The following MICAL2 variants were observed in gnomAD, a reference collection of about 807,000 sequenced individuals.
The protein encoded by MICAL2 is microtubule associated monooxygenase, calponin and LIM domain containing 2, also known as [F-actin]-monooxygenase MICAL2.
A neutral mutation model predicts 127.3 loss-of-function variants in MICAL2; 77 were observed. The observed-to-expected ratio is 0.60, with a 90% CI of 0.50 to 0.73. MICAL2 has a LOEUF of 0.73. Among genes scored for constraint, MICAL2 ranks in the 30% least tolerant of loss-of-function variants. MICAL2 has a pLI of 0.00. For synonymous variants in MICAL2, 570 were observed against 551.1 expected, an observed-to-expected ratio of 1.03 and a Z score of -0.48; for missense variants, 1,351 against 1,434.4, an observed-to-expected ratio of 0.94 and a Z score of 0.94.
chr11:12,339,621 T>A (rs1395454773), intron 32 of MICAL2, among the ~76,000 whole-genome samples: 1 of 152,172 alleles, frequency 6.6e-6, no homozygotes, highest in East Asian at 1.9e-4. Flanking sequence ...ACAGATGGGT[T>A]TTTGGTGTGG....
intron 26 of MICAL2, 123 bp from the exon 27 acceptor site, chr11:12,262,357 C>G (rs188549881): frequency 4.6e-5 from 71 of 1,548,338 alleles, no homozygotes; most frequent in Non-Finnish European, 5.6e-5. Context: ...TTCCCTCTTT[C>G]AATCGTGGCC....
chr11:12,157,130 C>T (rs1854275171), intron 2 of MICAL2, among the ~76,000 whole-genome samples: 3 of 152,304 alleles, frequency 2.0e-5, no homozygotes, highest in South Asian at 4.1e-4. Flanking sequence ...GTGTCCACCC[C>T]CATATCTCCT....
At chr11:12,211,771 A>G (rs1855502556) in intron 6 of MICAL2, among the ~76,000 whole-genome samples, 1 of 152,196 alleles carries the variant, frequency 6.6e-6, no homozygotes, top group South Asian at 2.1e-4. Flanking sequence ...TTTATTAGGG[A>G]TTCACAGGGG....
chr11:12,151,192 T>G (rs1300952993), intron 2 of MICAL2, among the ~76,000 whole-genome samples: 1 of 152,026 alleles, frequency 6.6e-6, no homozygotes, highest in East Asian at 1.9e-4. Flanking sequence ...TATTTGCAAA[T>G]AGGGAAAGGA....
In MICAL2 at chr11:12,182,111, G is replaced by C. The variant is rs142397974; in HGVS notation, c.264+19692G>C. Among the ~76,000 whole-genome samples, 675 of 152,308 alleles carry C rather than the reference G, an allele frequency of 4.4e-3. 11 individuals are homozygous for C. The highest frequency in any genetic ancestry group is 0.015 in the African/African-American group (628 of 41,560). Reference sequence around the variant, plus strand: ...TTATTGAAATTATTGTAAGGTGTTAGACCTACAACTAGATCTTGTTACTTA... The same window carrying C: ...TTATTGAAATTATTGTAAGGTGTTACACCTACAACTAGATCTTGTTACTTA... On this transcript the variant is annotated intron_variant, in intron 3 of 27. Transcript: ENST00000683283.
chr11:12,289,451 T>G (rs1200214394), downstream of MICAL2, among the ~76,000 whole-genome samples: 1 of 152,186 alleles, frequency 6.6e-6, no homozygotes, highest in Non-Finnish European at 1.5e-5. Context: ...AGCAATGTCT[T>G]TACTGGACGC....
intron 1 of MICAL2, chr11:12,116,841 C>T (rs1379486781): frequency 6.6e-6 from 1 of 152,214 alleles, no homozygotes; most frequent in Non-Finnish European, 1.5e-5. Flanking sequence ...CTGCACTGTA[C>T]CTGTCTTTGC....
chr11:12,122,857 A>G (rs1032279442), intron 1 of MICAL2, among the ~76,000 whole-genome samples: 7 of 151,996 alleles, frequency 4.6e-5, no homozygotes, highest in Non-Finnish European at 8.8e-5. Context: ...CATCAATCCC[A>G]CTGGATGCTT....
At chr11:12,318,745 G>A (rs936966462) in intron 29 of MICAL2, among the ~76,000 whole-genome samples, 4 of 152,210 alleles carry the variant, frequency 2.6e-5, no homozygotes, top group Admixed American at 1.3e-4. Context: ...CATTAACTCT[G>A]CATCATGTTG....
chr11:12,121,648 AG>A (rs1263937238), intron 1 of MICAL2: 1 of 152,268 alleles, frequency 6.6e-6, no homozygotes, highest in Admixed American at 6.5e-5. Flanking sequence ...CAGGTGGAGC[AG>A]GTAGGGGGTT....
chr11:12,281,060 G>T (rs1185634293), exon 2 of MICAL2: 10 of 398,852 alleles, frequency 2.5e-5, no homozygotes, highest in Non-Finnish European at 4.4e-5. Flanking sequence ...GAGCAGGGCA[G>T]TCTCTCCACA....
chr11:12,224,525 C>T (rs951402218), intron 12 of MICAL2, 148 bp from the exon 13 acceptor site: 2 of 973,626 alleles, frequency 2.1e-6, no homozygotes, highest in Admixed American at 5.1e-5. Flanking sequence ...CAGGGAGCTG[C>T]ACCCGTGCCA....
chr11:12,217,803 CT>C (rs1227875486), intron 8 of MICAL2, among the ~76,000 whole-genome samples: 1 of 152,118 alleles, frequency 6.6e-6, no homozygotes, highest in African/African-American at 2.4e-5. Flanking sequence ...TCAGAGGCCC[CT>C]GGGAGCAGCT....
At chr11:12,236,283 T>C in intron 16 of MICAL2, 38 bp downstream of exon 16, 1 of 1,598,370 alleles carries the variant, frequency 6.3e-7, no homozygotes, top group Admixed American at 1.7e-5. Flanking sequence ...AGAGGCTCGT[T>C]TCCTGACAAC....
chr11:12,360,770 G>C (rs1939194461), downstream of MICAL2, among the ~76,000 whole-genome samples: 1 of 152,192 alleles, frequency 6.6e-6, no homozygotes, highest in Admixed American at 6.5e-5. Flanking sequence ...GCTTTCACAG[G>C]CTGTGCTCTG....
intron 29 of MICAL2, among the ~76,000 whole-genome samples, chr11:12,299,703 C>A (rs145628691): frequency 6.6e-6 from 1 of 152,080 alleles, no homozygotes; most frequent in Non-Finnish European, 1.5e-5. Context: ...CAGTAACATC[C>A]GCAAATGTTA....
chr11:12,134,265 T>G (rs9299920), intron 1 of MICAL2, among the ~76,000 whole-genome samples: 48,485 of 152,092 alleles, frequency 0.32, 7,815 homozygotes, highest in Middle Eastern at 0.36. Context: ...CTCCCTTACT[T>G]CCTCCTTTAA....
chr11:12,204,110 G>A (rs963603799), intron 3 of MICAL2, 140 bp from the exon 4 acceptor site: 2 of 742,586 alleles, frequency 2.7e-6, no homozygotes, highest in South Asian at 1.7e-5. Flanking sequence ...TGAATGACAG[G>A]CCCTAACAGG....
intron 8 of MICAL2, 148 bp from the exon 9 acceptor site, chr11:12,220,053 T>C: frequency 3.2e-6 from 3 of 930,524 alleles, no homozygotes; most frequent in Non-Finnish European, 1.6e-6. Context: ...ATTTATTTCC[T>C]CTTTATTCCC....
Sources: gnomAD v4.1 joint callset for allele counts (sites outside exome capture counted in the v4.1 genomes callset) on GRCh38, gnomAD v4.1.1 for gene constraint, MANE v1.5 for transcripts, NCBI Gene and HGNC (gene_info 2026-07-23, HGNC 2026-07-21) for gene names.